Variants in ATP8B1 observed in about 807,000 individuals in gnomAD.
The protein encoded by ATP8B1 is ATPase phospholipid transporting 8B1.
A neutral mutation model predicts 149.9 loss-of-function variants in ATP8B1; 80 were observed. The ratio of observed to expected loss-of-function variants is 0.53; its 90% CI spans 0.45 to 0.64. The LOEUF is 0.64. Ranked by LOEUF, ATP8B1 falls within the 30% of genes least tolerant of loss-of-function variation. The pLI is 0.00. For missense variants in ATP8B1, 1,247 were observed against 1,552.6 expected, an observed-to-expected ratio of 0.80 and a Z score of 3.31; for synonymous variants, 536 against 562.8, an observed-to-expected ratio of 0.95 and a Z score of 0.67.
intron 1 of ATP8B1, among the ~76,000 whole-genome samples, chr18:57,787,866 A>G (rs369408257): frequency 9.8e-5 from 15 of 152,330 alleles, no homozygotes; most frequent in East Asian, 7.7e-4. Flanking sequence ...GGACCTATAT[A>G]GTATCCATTG....
intron 19 of ATP8B1, chr18:57,668,112 A>T (rs996488898): frequency 1.5e-6 from 2 of 1,336,672 alleles, no homozygotes; most frequent in Non-Finnish European, 2.0e-6. Flanking sequence ...AAGCACTGGA[A>T]GGACAGAGGG....
At chr18:57,719,143 A>G (rs1466900578) in intron 2 of ATP8B1, among the ~76,000 whole-genome samples, 1 of 152,244 alleles carries the variant, frequency 6.6e-6, no homozygotes, top group African/African-American at 2.4e-5. Flanking sequence ...CTGGTAAACA[A>G]ATTCTGTAAG....
Position 57,654,043 on chromosome 18 carries a change from G to A in ATP8B1, c.2964C>T (p.Tyr988=), listed in dbSNP as rs905086404. 1 of 1,614,076 alleles carries A rather than the reference G, an allele frequency of 6.2e-7. No individual in the cohort carries two copies. The highest frequency in any genetic ancestry group is 8.5e-7 in the Non-Finnish European group (1 of 1,180,006). ...TAYEDWFITL[Y]NVLYTSLPVL... is the part of the protein sequence containing the mutation. ...CGGGCAGGCTGGTGTACAGCACGTT[G>A]TAGAGGGTGATGAACCAATCCTCGT... is the stretch of plus-strand genomic sequence containing the variant. The change falls in exon 24 of 28, where the codon TAC becomes TAT. Residue 988 remains tyrosine, a synonymous_variant. Coordinates refer to ENST00000648908, the MANE Select transcript of ATP8B1 (RefSeq NM_001374385.1).
intron 27 of ATP8B1, 93 bp from the exon 28 acceptor site, chr18:57,648,805 C>T: frequency 7.9e-7 from 1 of 1,258,472 alleles, no homozygotes; most frequent in Admixed American, 2.0e-5. Context: ...CACTGATGAA[C>T]TCCCCTGACA....
Position 57,672,902 on chromosome 18 carries a change from AT to A in ATP8B1, c.1820-1323del, listed in dbSNP as rs1568189171. On this transcript the variant is annotated intron_variant, in intron 16 of 27. Transcript: ENST00000648908. ...AAAAAAAAAGTATATATATATATATATATATATATATATATATATATATATA... is the reference window on the plus strand; with the variant it reads ...AAAAAAAAAGTATATATATATATATAATATATATATATATATATATATATA... Among the ~76,000 whole-genome samples the A allele has an allele frequency of 4.0e-4, 23 of 57,660 alleles. 1 individual carries two copies. In the East Asian group the frequency reaches 5.4e-3, roughly 14 times the overall value. The allele number at this position is 57,660 out of a possible 152,430, so 37.8% of individuals were successfully genotyped here. A position where few individuals can be genotyped will look rare whatever the true frequency, so the allele number is the denominator to read the frequency against.
intron 22 of ATP8B1, among the ~76,000 whole-genome samples, chr18:57,658,637 G>A (rs1412038654): frequency 1.4e-5 from 2 of 145,750 alleles, no homozygotes; most frequent in African/African-American, 5.0e-5. Context: ...TTGTGTGTGT[G>A]TGTGTGTGTG....
chr18:57,680,932 G>A (rs1051698541), intron 15 of ATP8B1, among the ~76,000 whole-genome samples: 4 of 152,134 alleles, frequency 2.6e-5, no homozygotes, highest in Admixed American at 2.6e-4. Context: ...CTCTGTGCAG[G>A]CGGGAGTCTG....
chr18:57,662,759 T>C (rs1910555318), intron 20 of ATP8B1, 144 bp from the exon 21 acceptor site: 1 of 961,922 alleles, frequency 1.0e-6, no homozygotes, highest in African/African-American at 1.7e-5. Context: ...TTTATTTTCA[T>C]TATAATTTTT....
intron 2 of ATP8B1, among the ~76,000 whole-genome samples, chr18:57,719,693 G>C (rs939175131): frequency 6.6e-6 from 1 of 152,188 alleles, no homozygotes; most frequent in Non-Finnish European, 1.5e-5. Context: ...AGAGGTGCCC[G>C]CCATTGCCCA....
chr18:57,748,447 T>C (rs1002027524), intron 1 of ATP8B1, among the ~76,000 whole-genome samples: 1 of 152,206 alleles, frequency 6.6e-6, no homozygotes, highest in Non-Finnish European at 1.5e-5. Flanking sequence ...AAAACCTTGA[T>C]CTTGAACTTC....
chr18:57,761,012 T>A (rs536825289), intron 1 of ATP8B1, among the ~76,000 whole-genome samples: 2 of 110,324 alleles, frequency 1.8e-5, no homozygotes, highest in South Asian at 6.3e-4. Flanking sequence ...TAAAATAAAA[T>A]AACATAAAAT....
At chr18:57,710,104 C>A (rs141156091) in intron 2 of ATP8B1, among the ~76,000 whole-genome samples, 1 of 151,690 alleles carries the variant, frequency 6.6e-6, no homozygotes, top group African/African-American at 2.4e-5. Context: ...TTCAGAGTAG[C>A]TGGGATTACA....
chr18:57,653,666 A>G (rs555551767), intron 24 of ATP8B1, among the ~76,000 whole-genome samples: 110 of 146,302 alleles, frequency 7.5e-4, no homozygotes, highest in African/African-American at 2.7e-3. Flanking sequence ...ACCCAGTCAC[A>G]GAAATCCTCT....
At chr18:57,660,337 A>G (rs1465426418) in intron 22 of ATP8B1, among the ~76,000 whole-genome samples, 1 of 152,204 alleles carries the variant, frequency 6.6e-6, no homozygotes, top group Admixed American at 6.5e-5. Context: ...TCAGTGCTAA[A>G]CATGTTACTC....
chr18:57,650,551 G>C, intron 26 of ATP8B1, 54 bp from the exon 27 acceptor site: 1 of 1,592,776 alleles, frequency 6.3e-7, no homozygotes, highest in Non-Finnish European at 8.6e-7. Context: ...TAAGAACATA[G>C]TTAATATTTC....
intron 2 of ATP8B1, among the ~76,000 whole-genome samples, chr18:57,724,137 C>G (rs1381980695): frequency 6.7e-6 from 1 of 150,034 alleles, no homozygotes; most frequent in Non-Finnish European, 1.5e-5. Flanking sequence ...GACCTAAAAC[C>G]ATAAAAACCC....
chr18:57,681,221 T>C (rs1911950578), intron 15 of ATP8B1, among the ~76,000 whole-genome samples: 1 of 151,972 alleles, frequency 6.6e-6, no homozygotes, highest in Non-Finnish European at 1.5e-5. Flanking sequence ...TGGCAGGGAA[T>C]GAGGACAGTC....
In ATP8B1 at chr18:57,704,548, G is replaced by GCATT; in HGVS notation, c.393+3_393+6dup. ...TCAAACAGATTTAAGATAGCAAAGGGCATTACCTGTAAGATAAGAAGAGCC... is the reference window on the plus strand; with the variant it reads ...TCAAACAGATTTAAGATAGCAAAGGGCATTCATTACCTGTAAGATAAGAAGAGCC... On this transcript the variant is annotated splice_region_variant and intron_variant, in intron 4 of 27. Coordinates refer to ENST00000648908, the MANE Select transcript of ATP8B1 (RefSeq NM_001374385.1). 6.6e-7 allele frequency: 1 copy of GCATT among 1,525,784 alleles called. No homozygotes were observed. The highest frequency in any genetic ancestry group is 9.1e-7 in the Non-Finnish European group (1 of 1,100,206). 94.5% of individuals were successfully genotyped at this position (1,525,784 alleles called of 1,614,324 possible).
At chr18:57,727,097 A>G (rs576712064) in intron 2 of ATP8B1, among the ~76,000 whole-genome samples, 1 of 152,290 alleles carries the variant, frequency 6.6e-6, no homozygotes, top group South Asian at 2.1e-4. Context: ...AAATAAACAA[A>G]TAAATAAAAA....
Sources: gnomAD v4.1 joint callset for allele counts (sites outside exome capture counted in the v4.1 genomes callset) on GRCh38, gnomAD v4.1.1 for gene constraint, MANE v1.5 for transcripts, NCBI Gene and HGNC (gene_info 2026-07-23, HGNC 2026-07-21) for gene names.